SLC44A5: variants seen among roughly 807,000 people sequenced by gnomAD.
The protein encoded by SLC44A5 is choline transporter-like protein 5.
A neutral mutation model predicts 101.8 loss-of-function variants in SLC44A5; 57 were observed. The ratio of observed to expected loss-of-function variants is 0.56; its 90% CI spans 0.45 to 0.70. The LOEUF (loss-of-function observed/expected upper bound fraction) is 0.70, where lower values mean the gene tolerates loss of function less well. Ranked by LOEUF, SLC44A5 falls within the 30% of genes least tolerant of loss-of-function variation. The pLI is 0.00. For synonymous variants in SLC44A5, 281 were observed against 290.9 expected (o/e 0.97, Z 0.35); for missense variants, 737 against 853.1 (o/e 0.86, Z 1.70).
chr1:75,379,942 T>C (rs1431632447), intron 3 of SLC44A5, among the ~76,000 whole-genome samples: 1 of 82,526 alleles, frequency 1.2e-5, no homozygotes, highest in Non-Finnish European at 2.1e-5. Context: ...CTGACTTATG[T>C]CCAAGATGTA....
chr1:75,222,343 C>T lies in SLC44A5; in HGVS notation c.1085+18G>A, dbSNP rs201634440. ...TGACTGATACACTTTAGCTGAGTTT[C>T]TACATTAAGGGCCTTACTTGCTTCC... On this transcript the variant is annotated intron_variant, in intron 14 of 23. Transcript: ENST00000370859. The T allele has an allele frequency of 5.4e-5, 85 of 1,577,728 alleles. No individual in the cohort carries two copies. The East Asian group carries it at 1.7e-3, about 32-fold the overall frequency.
At chr1:75,588,626 A>C (rs1674160895) in intron 1 of SLC44A5, among the ~76,000 whole-genome samples, 1 of 152,194 alleles carries the variant, frequency 6.6e-6, no homozygotes, top group African/African-American at 2.4e-5. Flanking sequence ...AAAACATATT[A>C]AGAAAAATCA....
At chr1:75,717,802 G>A in the SLC44A5 span, among the ~76,000 whole-genome samples, 1 of 152,102 alleles carries the variant, frequency 6.6e-6, no homozygotes, top group African/African-American at 2.4e-5. Context: ...CCAAAAGTTC[G>A]GTGGACCAAA....
the SLC44A5 span, among the ~76,000 whole-genome samples, chr1:75,649,764 C>T: frequency 6.6e-6 from 1 of 152,052 alleles, no homozygotes; most frequent in Non-Finnish European, 1.5e-5. Flanking sequence ...ATGGTTTAAA[C>T]ACTATGCCTG....
intron 2 of SLC44A5, among the ~76,000 whole-genome samples, chr1:75,487,616 A>G (rs1452473016): frequency 6.6e-6 from 1 of 152,236 alleles, no homozygotes; most frequent in Non-Finnish European, 1.5e-5. Context: ...AAGGTACTCT[A>G]CGTTGAGATG....
chr1:75,461,512 C>G (rs1291516313), intron 2 of SLC44A5, among the ~76,000 whole-genome samples: 1 of 152,094 alleles, frequency 6.6e-6, no homozygotes, highest in Non-Finnish European at 1.5e-5. Flanking sequence ...CCCATTTGTC[C>G]AAGTCAACCA....
chr1:75,714,553 G>A, the SLC44A5 span, among the ~76,000 whole-genome samples: 1 of 152,178 alleles, frequency 6.6e-6, no homozygotes, highest in Non-Finnish European at 1.5e-5. Flanking sequence ...CAAGATGTTG[G>A]AAGTCAGCAA....
At chr1:75,557,726 T>G (rs1187079674) in intron 1 of SLC44A5, among the ~76,000 whole-genome samples, 1 of 152,172 alleles carries the variant, frequency 6.6e-6, no homozygotes, top group Non-Finnish European at 1.5e-5. Flanking sequence ...CACTGTAGTA[T>G]ACTTAGTGTC....
intron 2 of SLC44A5, among the ~76,000 whole-genome samples, chr1:75,434,550 G>A (rs560996897): frequency 6.6e-6 from 1 of 152,160 alleles, no homozygotes; most frequent in African/African-American, 2.4e-5. Flanking sequence ...ATACAAATCT[G>A]TTCCTATAAA....
chr1:75,666,827 G>A, the SLC44A5 span, among the ~76,000 whole-genome samples: 86 of 152,264 alleles, frequency 5.6e-4, no homozygotes, highest in African/African-American at 2.0e-3. Context: ...CAGAACCCAT[G>A]ACAGAAACCA....
the SLC44A5 span, among the ~76,000 whole-genome samples, chr1:75,670,031 C>T: frequency 6.6e-6 from 1 of 151,928 alleles, no homozygotes; most frequent in African/African-American, 2.4e-5. Context: ...AGACATAATC[C>T]CCAGCCTGAA....
At chr1:75,503,946 T>A (rs911426900) in intron 2 of SLC44A5, among the ~76,000 whole-genome samples, 1 of 152,256 alleles carries the variant, frequency 6.6e-6, no homozygotes, top group Middle Eastern at 3.4e-3. Context: ...AAAGAGAGAT[T>A]TTTTTTGTCT....
chr1:75,283,646 T>C (rs1049856387), intron 5 of SLC44A5, among the ~76,000 whole-genome samples: 2 of 152,192 alleles, frequency 1.3e-5, no homozygotes, highest in South Asian at 2.1e-4. Context: ...GATTTAAATC[T>C]TTGATTCATC....
At chr1:75,344,590 A>G (rs1658114770) in intron 3 of SLC44A5, among the ~76,000 whole-genome samples, 1 of 152,170 alleles carries the variant, frequency 6.6e-6, no homozygotes, top group Non-Finnish European at 1.5e-5. Flanking sequence ...AAATGTGACA[A>G]CAGAAACAAG....
intron 3 of SLC44A5, among the ~76,000 whole-genome samples, chr1:75,348,683 C>CA (rs1658426551): frequency 1.3e-5 from 2 of 151,898 alleles, no homozygotes; most frequent in Admixed American, 1.3e-4. Context: ...GCAGCTCACA[C>CA]AAAAAAAGCT....
intron 2 of SLC44A5, among the ~76,000 whole-genome samples, chr1:75,449,696 GC>G: frequency 6.6e-6 from 1 of 152,172 alleles, no homozygotes; most frequent in Non-Finnish European, 1.5e-5. Context: ...AGGATAAGAG[GC>G]TTTTAGTGTG....
chr1:75,626,838 G>C, the SLC44A5 span, among the ~76,000 whole-genome samples: 16 of 152,108 alleles, frequency 1.1e-4, no homozygotes, highest in Admixed American at 2.0e-4. Context: ...AGCATATTAT[G>C]CTTCTGTTCT....
the SLC44A5 span, among the ~76,000 whole-genome samples, chr1:75,666,356 CA>C: frequency 1.3e-5 from 2 of 152,120 alleles, no homozygotes; most frequent in Non-Finnish European, 2.9e-5. Flanking sequence ...TGGACACATA[CA>C]CCCTCCCAAA....
At chr1:75,233,335 A>T (rs1647764168) in intron 12 of SLC44A5, among the ~76,000 whole-genome samples, 1 of 152,114 alleles carries the variant, frequency 6.6e-6, no homozygotes, top group Non-Finnish European at 1.5e-5. Context: ...ATTTTTCATT[A>T]TCCACCCCCT....
Sources: allele counts gnomAD v4.1 joint callset (sites outside exome capture counted in the v4.1 genomes callset), GRCh38; gene constraint gnomAD v4.1.1; transcripts MANE v1.5; gene names NCBI Gene and HGNC (gene_info 2026-07-23, HGNC 2026-07-21).